RBFOX3: variants seen among roughly 807,000 people sequenced by gnomAD.
RBFOX3 encodes the protein RNA binding fox-1 homolog 3.
Under a neutral mutation model 48.7 loss-of-function variants are expected in RBFOX3, and 17 were observed. The observed-to-expected ratio is 0.35, with a 90% CI of 0.24 to 0.52. RBFOX3 has a LOEUF of 0.52. RBFOX3 is among the 20% of genes least tolerant of loss of function. The probability of loss-of-function intolerance (pLI) is 0.94; values close to 1 mark genes in which losing one functional copy is unlikely to be tolerated. For synonymous variants in RBFOX3, 212 were observed against 209.5 expected (o/e 1.01, Z -0.10); for missense variants, 382 against 497.5 (o/e 0.77, Z 2.21).
At chr17:79,478,933 A>G (rs2078372346) in intron 2 of RBFOX3, among the ~76,000 whole-genome samples, 2 of 152,322 alleles carry the variant, frequency 1.3e-5, no homozygotes, top group African/African-American at 4.8e-5. Context: ...AGAGGCAATG[A>G]ACCAGGGCTG....
chr17:79,306,945 C>A (rs961923318), intron 3 of RBFOX3, among the ~76,000 whole-genome samples: 2 of 152,236 alleles, frequency 1.3e-5, no homozygotes, highest in African/African-American at 4.8e-5. Context: ...CTTGGAGAGT[C>A]TGGCCCCAGG....
chr17:79,103,992 G>C lies in RBFOX3; in HGVS notation c.414+81C>G. 7.8e-7 allele frequency: 1 copy of C among 1,284,724 alleles called. No homozygotes were observed. Among genetic ancestry groups the C allele is most frequent in the Non-Finnish European group, 1.1e-6 (1 of 906,138 alleles). 79.6% of individuals were successfully genotyped at this position (1,284,724 alleles called of 1,614,324 possible). On this transcript the variant is annotated intron_variant, in intron 7 of 14. Coordinates refer to ENST00000693108, the MANE Select transcript of RBFOX3 (RefSeq NM_001350451.2). This position sits in a 1 kb window ranked among gnomAD's most constrained non-coding sequence, Gnocchi z 6.1. Reference sequence around the variant, plus strand: ...GGTCCTCGGGCGCGAAGCTCTCCAGGAAGGAAACGCACATTTCACACGTTA... The same window carrying C: ...GGTCCTCGGGCGCGAAGCTCTCCAGCAAGGAAACGCACATTTCACACGTTA...
chr17:79,602,987 C>T (rs1007736820), intron 1 of RBFOX3, among the ~76,000 whole-genome samples: 22 of 127,652 alleles, frequency 1.7e-4, no homozygotes, highest in African/African-American at 6.4e-4. Context: ...CTTGAGCTAC[C>T]CTTTTTTTTT....
In RBFOX3 at chr17:79,299,322, G is replaced by T. The variant is rs1021915736; in HGVS notation, c.-74+8402C>A. Reference sequence around the variant, plus strand: ...TCCTGTGTTGAAGTCCTAACCACTGGTTCCTTAAAATGGGACTGTACAGGC... The same window carrying T: ...TCCTGTGTTGAAGTCCTAACCACTGTTTCCTTAAAATGGGACTGTACAGGC... On this transcript the variant is annotated intron_variant, in intron 3 of 14. Transcript: ENST00000693108. The surrounding 1 kb of genome is among the most constrained non-coding windows in gnomAD (Gnocchi z 4.5). Among the ~76,000 whole-genome samples, 4 of 152,076 alleles carry T rather than the reference G, an allele frequency of 2.6e-5. No homozygotes were observed. The highest frequency in any genetic ancestry group is 9.7e-5 in the African/African-American group (4 of 41,384).
intron 10 of RBFOX3, 128 bp from the exon 11 acceptor site, chr17:79,097,552 G>A (rs2075588665): frequency 1.7e-6 from 2 of 1,199,404 alleles, no homozygotes; most frequent in Non-Finnish European, 2.2e-6. Context: ...CCCCCGGAGC[G>A]CTACTCAGTC....
chr17:79,658,763 A>C, the RBFOX3 span, among the ~76,000 whole-genome samples: 14 of 152,180 alleles, frequency 9.2e-5, no homozygotes, highest in East Asian at 2.7e-3. Flanking sequence ...CTGAGCCCCT[A>C]CTGTGTGCCA....
the RBFOX3 span, among the ~76,000 whole-genome samples, chr17:79,638,478 G>T: frequency 6.6e-6 from 1 of 152,062 alleles, no homozygotes; most frequent in Non-Finnish European, 1.5e-5. Context: ...CAACAAATGG[G>T]ATAATCTAGA....
At position 79,204,567 on chromosome 17, in the gene RBFOX3, A is replaced by G. The variant is rs2057261296; in HGVS notation, c.-34+31199T>C. ...ATTAAAGAAGGGGTCCGAAGGCCCC[A>G]GATGCTGTGAACAGAGAACCCACTA... On this transcript the variant is annotated intron_variant, in intron 4 of 14. Transcript: ENST00000693108. The surrounding 1 kb of genome is among the most constrained non-coding windows in gnomAD (Gnocchi z 4.5). Among the ~76,000 whole-genome samples, 1 of 152,212 alleles carries G rather than the reference A, an allele frequency of 6.6e-6. No individual in the cohort carries two copies. The highest frequency in any genetic ancestry group is 1.5e-5 in the Non-Finnish European group (1 of 68,026).
rs1449031600 is a variant in RBFOX3 at position 79,195,608 on chromosome 17, C to T, written c.-34+40158G>A. On this transcript the variant is annotated intron_variant, in intron 4 of 14. Coordinates refer to ENST00000693108, the MANE Select transcript of RBFOX3 (RefSeq NM_001350451.2). The surrounding 1 kb of genome is among the most constrained non-coding windows in gnomAD (Gnocchi z 5.3). ...TCTATCCTGATATCTGAGACTGGGG[C>T]CTCCTTATTTTGTCCTACCATTGCA... Among the ~76,000 whole-genome samples, 4 of 152,164 alleles carry T rather than the reference C, an allele frequency of 2.6e-5. No individual in the cohort carries two copies. The highest frequency in any genetic ancestry group is 4.4e-5 in the Non-Finnish European group (3 of 68,038).
chr17:79,094,360 C>T (rs1438049825), intron 14 of RBFOX3, 91 bp downstream of exon 14: 4 of 916,028 alleles, frequency 4.4e-6, no homozygotes, highest in Non-Finnish European at 6.2e-6. Context: ...AGGCATTGGT[C>T]AGAGGGCTCG....
At position 79,107,531 on chromosome 17, in the gene RBFOX3, C is replaced by T. The variant is rs545286151; in HGVS notation, c.223-743G>A. ...GCAGCGCAGTGTGGCCTGTGTGAGG[C>T]TTTTCCTGCGTGGTCTTCTCCAGTG... On this transcript the variant is annotated intron_variant, in intron 5 of 14. Transcript: ENST00000693108. Among the ~76,000 whole-genome samples, 5 of 152,320 alleles carry T rather than the reference C, an allele frequency of 3.3e-5. No individual in the cohort carries two copies. The East Asian group carries it at 5.8e-4, about 18-fold the overall frequency.
chr17:79,437,777 C>T (rs2137771), intron 2 of RBFOX3, among the ~76,000 whole-genome samples: 2,248 of 152,372 alleles, frequency 0.015, 20 homozygotes, highest in Non-Finnish European at 0.023. Flanking sequence ...AAGGGTATTT[C>T]CAGAAGGCAT....
At chr17:79,202,557 T>C (rs933538703) in intron 4 of RBFOX3, among the ~76,000 whole-genome samples, 2 of 152,234 alleles carry the variant, frequency 1.3e-5, no homozygotes, top group Non-Finnish European at 2.9e-5. Flanking sequence ...GTTATGACTA[T>C]GTCAGTGTTA....
At chr17:79,522,703 G>T (rs1344394231) in intron 1 of RBFOX3, among the ~76,000 whole-genome samples, 1 of 152,036 alleles carries the variant, frequency 6.6e-6, no homozygotes, top group Non-Finnish European at 1.5e-5. Context: ...GCCAAAGCAG[G>T]CAGATTACCT....
At chr17:79,541,918 C>T (rs797029785) in intron 1 of RBFOX3, among the ~76,000 whole-genome samples, 39 of 151,634 alleles carry the variant, frequency 2.6e-4, no homozygotes, top group African/African-American at 7.7e-4. Context: ...AGGTGGGCCA[C>T]GGAGCACGGG....
chr17:79,455,331 G>A (rs782456772), intron 2 of RBFOX3, among the ~76,000 whole-genome samples: 3 of 152,212 alleles, frequency 2.0e-5, no homozygotes, highest in Non-Finnish European at 2.9e-5. Flanking sequence ...TTCGGAAATT[G>A]TTGGCCAGGA....
chr17:79,602,270 TCAAA>T (rs1303074793), intron 1 of RBFOX3, among the ~76,000 whole-genome samples: 3 of 152,228 alleles, frequency 2.0e-5, no homozygotes, highest in Non-Finnish European at 4.4e-5. Context: ...TGTCAAGATA[TCAAA>T]CAGACTTCTG....
chr17:79,366,697 G>C (rs891139686), intron 2 of RBFOX3, among the ~76,000 whole-genome samples: 3 of 152,224 alleles, frequency 2.0e-5, no homozygotes, highest in African/African-American at 7.2e-5. Flanking sequence ...CAGGGCCCCA[G>C]CCCAGCAGAG....
At chr17:79,137,898 C>T (rs2040632178) in intron 4 of RBFOX3, among the ~76,000 whole-genome samples, 2 of 152,210 alleles carry the variant, frequency 1.3e-5, no homozygotes, top group Admixed American at 1.3e-4. Context: ...TTCCTGCCGA[C>T]GCTGCACTTT....
Sources: allele counts gnomAD v4.1 joint callset (sites outside exome capture counted in the v4.1 genomes callset), GRCh38; gene constraint gnomAD v4.1.1; non-coding constraint Gnocchi (gnomAD v3.1); transcripts MANE v1.5; gene names NCBI Gene and HGNC (gene_info 2026-07-23, HGNC 2026-07-21).